RAB11FIP4: variants seen among roughly 807,000 people sequenced by gnomAD.
The protein encoded by RAB11FIP4 is rab11 family-interacting protein 4.
In RAB11FIP4, 23 loss-of-function variants were observed where a neutral mutation model predicts 74.3. The observed-to-expected ratio is 0.31, with a 90% confidence interval of 0.22 to 0.44. The LOEUF is 0.44. Ranked by LOEUF, RAB11FIP4 falls within the 20% of genes least tolerant of loss-of-function variation. The pLI is 1.00. For missense variants in RAB11FIP4, 630 were observed against 863.9 expected (o/e 0.73, Z 3.39); for synonymous variants, 360 against 359.9 (o/e 1.00, Z 0.00).
At chr17:31,426,941 C>G (rs2071258219) in intron 1 of RAB11FIP4, among the ~76,000 whole-genome samples, 1 of 151,418 alleles carries the variant, frequency 6.6e-6, no homozygotes, top group Non-Finnish European at 1.5e-5. Context: ...CATCAGTGTG[C>G]CTGGCCATTT....
intron 1 of RAB11FIP4, among the ~76,000 whole-genome samples, chr17:31,395,211 A>G (rs1356425140): frequency 1.3e-5 from 2 of 152,216 alleles, no homozygotes; most frequent in Admixed American, 6.5e-5. Context: ...TGAGGCCATA[A>G]TGAAATATAT....
intron 1 of RAB11FIP4, among the ~76,000 whole-genome samples, chr17:31,425,130 T>G (rs753385362): frequency 1.3e-5 from 2 of 152,222 alleles, no homozygotes; most frequent in African/African-American, 2.4e-5. Flanking sequence ...TAATTCTGAA[T>G]GACTTTGCCT....
At chr17:31,441,994 G>A (rs749178239) in intron 3 of RAB11FIP4, among the ~76,000 whole-genome samples, 2 of 151,198 alleles carry the variant, frequency 1.3e-5, no homozygotes, top group Non-Finnish European at 2.9e-5. Flanking sequence ...ATTGTTGGGC[G>A]TATATACACT....
chr17:31,397,935 G>T (rs1273856630), intron 1 of RAB11FIP4, among the ~76,000 whole-genome samples: 4 of 151,766 alleles, frequency 2.6e-5, no homozygotes. Flanking sequence ...GAGTTCAGGG[G>T]TGCATCATGG....
In RAB11FIP4 at chr17:31,436,746, GTTTTTTGTTTT is replaced by G. The variant is rs72360565; in HGVS notation, c.336+2641_336+2651del. Among the ~76,000 whole-genome samples the G allele has an allele frequency of 6.4e-4, 23 of 36,200 alleles. No homozygotes were observed. The South Asian group carries it at 6.4e-3, about 10-fold the overall frequency. The allele number at this position is 36,200 out of a possible 152,430, so 23.7% of individuals were successfully genotyped here. A position where few individuals can be genotyped will look rare whatever the true frequency, so the allele number is the denominator to read the frequency against. ...ATAGGTTTTTGTTGCTTTGGGTTTT[GTTTTTTGTTTT>G]TTTTTTGTTTTTTTTTGTTTTTTGT... On this transcript the variant is annotated intron_variant, in intron 3 of 14. Coordinates refer to ENST00000621161, the MANE Select transcript of RAB11FIP4 (RefSeq NM_032932.6).
chr17:31,488,148 A>G, intron 3 of RAB11FIP4: 1 of 1,052,676 alleles, frequency 9.5e-7, no homozygotes, highest in Non-Finnish European at 1.1e-6. Flanking sequence ...CGCGGCCGCG[A>G]TTGTTCCTGC....
At chr17:31,410,136 T>C (rs1261462288) in intron 1 of RAB11FIP4, among the ~76,000 whole-genome samples, 3 of 152,192 alleles carry the variant, frequency 2.0e-5, no homozygotes, top group Admixed American at 2.0e-4. Flanking sequence ...GCACAGCCCT[T>C]GTGCATCCTA....
intron 3 of RAB11FIP4, chr17:31,488,537 G>C (rs1330884416): frequency 3.1e-5 from 7 of 227,810 alleles, no homozygotes; most frequent in Admixed American, 6.0e-5. Context: ...ACCCGACGGC[G>C]GGCCCCACCT....
chr17:31,458,169 A>G (rs868353069), intron 3 of RAB11FIP4, among the ~76,000 whole-genome samples: 1 of 152,314 alleles, frequency 6.6e-6, no homozygotes, highest in Admixed American at 6.5e-5. Flanking sequence ...TTTTAGCTGC[A>G]TCTGATCCAG....
In RAB11FIP4 at chr17:31,484,038, C is replaced by T. The variant is rs569292351; in HGVS notation, c.337-33613C>T. On this transcript the variant is annotated intron_variant, in intron 3 of 14. Coordinates refer to ENST00000621161, the MANE Select transcript of RAB11FIP4 (RefSeq NM_032932.6). ...ACAGTGAGCTATGATTGTGCCACGG[C>T]ACTTCAGCCTAGGCAACAGAGCAAG... Among the ~76,000 whole-genome samples the T allele has an allele frequency of 2.7e-5, 4 of 150,712 alleles. No homozygotes were observed. The South Asian group carries it at 6.3e-4, about 24-fold the overall frequency.
Position 31,515,091 on chromosome 17 carries a change from A to G in RAB11FIP4, c.337-2560A>G, listed in dbSNP as rs2072522064. 2.0e-5 allele frequency among the ~76,000 whole-genome samples: 3 copies of G among 152,300 alleles called. No homozygotes were observed. The South Asian group carries it at 6.2e-4, about 32-fold the overall frequency. On this transcript the variant is annotated intron_variant, in intron 3 of 14. Coordinates refer to ENST00000621161, the MANE Select transcript of RAB11FIP4 (RefSeq NM_032932.6). ...TTTCCCCATCAGTAAAATGGGGATA[A>G]TGATCACTGCCCTGAAGAGCTGTCA...
chr17:31,442,959 C>CAAAAA (rs11435501), intron 3 of RAB11FIP4, among the ~76,000 whole-genome samples: 1 of 129,500 alleles, frequency 7.7e-6, no homozygotes, highest in Non-Finnish European at 1.7e-5. Flanking sequence ...GACTCTGTCT[C>CAAAAA]AAAAAAAAAA....
chr17:31,498,905 G>T (rs2072166528), intron 3 of RAB11FIP4, among the ~76,000 whole-genome samples: 2 of 152,154 alleles, frequency 1.3e-5, no homozygotes, highest in Non-Finnish European at 2.9e-5. Flanking sequence ...AAAGTATGGA[G>T]CCCCCAAAGC....
At chr17:31,454,948 G>A (rs895098415) in intron 3 of RAB11FIP4, among the ~76,000 whole-genome samples, 1 of 152,124 alleles carries the variant, frequency 6.6e-6, no homozygotes, top group Non-Finnish European at 1.5e-5. Context: ...GTGAACTGAC[G>A]ATTAGCACCA....
intron 3 of RAB11FIP4, among the ~76,000 whole-genome samples, chr17:31,454,343 A>C (rs1253357435): frequency 1.3e-5 from 2 of 152,056 alleles, no homozygotes; most frequent in Non-Finnish European, 2.9e-5. Flanking sequence ...GTGCGATCTC[A>C]GCTCACTGCA....
intron 3 of RAB11FIP4, among the ~76,000 whole-genome samples, chr17:31,490,875 C>T (rs934706588): frequency 6.6e-6 from 1 of 152,202 alleles, no homozygotes; most frequent in Non-Finnish European, 1.5e-5. Flanking sequence ...TTTATCTGTT[C>T]GTGCCTGCTG....
chr17:31,420,856 G>T (rs1039886667), intron 1 of RAB11FIP4, among the ~76,000 whole-genome samples: 3 of 152,062 alleles, frequency 2.0e-5, no homozygotes, highest in Non-Finnish European at 4.4e-5. Context: ...GGCCGAAGGG[G>T]GTGGATCACC....
chr17:31,438,212 T>C (rs2071377722), intron 3 of RAB11FIP4, among the ~76,000 whole-genome samples: 1 of 151,962 alleles, frequency 6.6e-6, no homozygotes, highest in Non-Finnish European at 1.5e-5. Context: ...GGAGGGGGCA[T>C]GGAGACACGT....
At chr17:31,486,401 T>C (rs1022331791) in intron 3 of RAB11FIP4, among the ~76,000 whole-genome samples, 38 of 152,056 alleles carry the variant, frequency 2.5e-4, no homozygotes, top group African/African-American at 8.7e-4. Context: ...CACACCTGCC[T>C]AATGTTTTTA....
Sources: gnomAD v4.1 joint callset for allele counts (sites outside exome capture counted in the v4.1 genomes callset) on GRCh38, gnomAD v4.1.1 for gene constraint, MANE v1.5 for transcripts, NCBI Gene and HGNC (gene_info 2026-07-23, HGNC 2026-07-21) for gene names.